Variants in PCDHA4 observed in about 807,000 individuals in gnomAD.
PCDHA4 encodes the protein protocadherin alpha-4.
Under a neutral mutation model 61.4 loss-of-function variants are expected in PCDHA4, and 49 were observed. The observed-to-expected ratio is 0.80, with a 90% CI of 0.63 to 1.01. The LOEUF is 1.01. Ranked by LOEUF, PCDHA4 falls within the 50% of genes least tolerant of loss-of-function variation. The pLI, the probability that PCDHA4 is intolerant of heterozygous loss-of-function variation, is 0.00. For synonymous variants in PCDHA4, 590 were observed against 550.3 expected, an observed-to-expected ratio of 1.07 and a Z score of -1.01; for missense variants, 1,254 against 1,235.8, an observed-to-expected ratio of 1.01 and a Z score of -0.22.
At chr5:141,008,568 T>C (rs1430525508) in intron 3 of PCDHA4, among the ~76,000 whole-genome samples, 2 of 152,220 alleles carry the variant, frequency 1.3e-5, no homozygotes, top group African/African-American at 4.8e-5. Flanking sequence ...GCATAATCAT[T>C]TTCCCAAGAC....
chr5:140,917,806 A>G (rs921651411), intron 1 of PCDHA4, among the ~76,000 whole-genome samples: 45 of 151,888 alleles, frequency 3.0e-4, no homozygotes, highest in Admixed American at 2.9e-3. Context: ...GCCTTGCAGT[A>G]TAGTTGAAGT....
intron 1 of PCDHA4, chr5:140,966,508 A>G (rs1288054154): frequency 9.2e-6 from 4 of 434,452 alleles, no homozygotes; most frequent in African/African-American, 4.1e-5. Context: ...TAGCGGCAGC[A>G]GCAGCAGGAA....
chr5:140,811,590 G>T (rs1482503407), intron 1 of PCDHA4: 1 of 152,170 alleles, frequency 6.6e-6, no homozygotes, highest in African/African-American at 2.4e-5. Flanking sequence ...CTTCCACAAT[G>T]GTTGAACTAG....
At chr5:140,922,336 A>G (rs1554200779) in intron 1 of PCDHA4, among the ~76,000 whole-genome samples, 2 of 152,226 alleles carry the variant, frequency 1.3e-5, no homozygotes, top group African/African-American at 4.8e-5. Context: ...GGGTTGGTAT[A>G]TTGGTATTTT....
At chr5:141,007,015 A>G (rs1342063703) in intron 3 of PCDHA4, among the ~76,000 whole-genome samples, 1 of 152,210 alleles carries the variant, frequency 6.6e-6, no homozygotes, top group Non-Finnish European at 1.5e-5. Flanking sequence ...TCATCAGCTT[A>G]TTCATATGGT....
At chr5:140,839,084 T>G (rs2150294627) in intron 1 of PCDHA4, among the ~76,000 whole-genome samples, 9 of 152,164 alleles carry the variant, frequency 5.9e-5, no homozygotes, top group South Asian at 2.1e-4. Context: ...AAAACCTGTC[T>G]GATAATCAAT....
At chr5:140,933,731 A>G (rs1210438420) in intron 1 of PCDHA4, among the ~76,000 whole-genome samples, 2 of 151,958 alleles carry the variant, frequency 1.3e-5, no homozygotes, top group East Asian at 1.9e-4. Context: ...CAGCTTTCTT[A>G]AATATTTGGT....
chr5:140,986,714 CATT>C (rs1426352732), intron 3 of PCDHA4, among the ~76,000 whole-genome samples: 4 of 152,118 alleles, frequency 2.6e-5, no homozygotes, highest in Non-Finnish European at 4.4e-5. Flanking sequence ...CAGAAGATAA[CATT>C]ATAGCTTCTC....
At chr5:140,869,733 G>A (rs2051364392) in intron 1 of PCDHA4, 1 of 1,613,178 alleles carries the variant, frequency 6.2e-7, no homozygotes, top group Non-Finnish European at 8.5e-7. Context: ...AACTTAATTT[G>A]CTGCTAACAG....
In PCDHA4 at chr5:140,808,372, C is replaced by G. The variant is rs781953754; in HGVS notation, c.1185C>G (p.Phe395Leu). The stretch of plus-strand genomic sequence containing the variant: ...GCTCCTTGACGTCCCACGTCCCCTT[C>G]AAGCTGGTGTCCACCTTCAAGAATT... Reference protein sequence around the residue: ...VTCSLTSHVPFKLVSTFKNYY... With the variant: ...VTCSLTSHVPLKLVSTFKNYY... The change falls in exon 1 of 4, where the codon TTC becomes TTG. Residue 395 changes from phenylalanine (F) to leucine (L), a missense_variant. Phe to Leu is a conservative substitution (Grantham distance 22). Coordinates refer to ENST00000530339, the MANE Select transcript of PCDHA4 (RefSeq NM_018907.4). 1.2e-6 allele frequency: 2 copies of G among 1,614,200 alleles called. No individual in the cohort carries two copies. The highest frequency in any genetic ancestry group is 3.3e-5 in the Admixed American group (2 of 60,036).
chr5:140,830,551 T>C, intron 1 of PCDHA4: 1 of 1,095,476 alleles, frequency 9.1e-7, no homozygotes, highest in African/African-American at 1.6e-5. Flanking sequence ...TCCTCATATT[T>C]GTCTTCTATA....
rs2150304405 is a variant in PCDHA4, at chr5:140,840,185, G to A, written c.2385+30613G>A. On this transcript the variant is annotated intron_variant, in intron 1 of 3. Transcript: ENST00000530339. The stretch of plus-strand genomic sequence containing the variant: ...GGGATGTATACAAATTTTAAATATG[G>A]TAGGCAAAGGAAAAGAAGTCATAAA... 1.2e-3 allele frequency among the ~76,000 whole-genome samples: 185 copies of A among 152,064 alleles called. 3 individuals carry two copies. The highest frequency in any genetic ancestry group is 4.4e-3 in the African/African-American group (182 of 41,478).
Position 140,808,769 on chromosome 5 carries a change from C to T in PCDHA4, c.1582C>T (p.Leu528=). 1 of 1,612,380 alleles carries T rather than the reference C, an allele frequency of 6.2e-7. No homozygotes were observed. The highest frequency in any genetic ancestry group is 8.5e-7 in the Non-Finnish European group (1 of 1,179,812). Residue 528 remains leucine, a synonymous_variant, in exon 1 of 4, where the codon CTA becomes TTA. Coordinates refer to ENST00000530339, the MANE Select transcript of PCDHA4 (RefSeq NM_018907.4). The part of the protein sequence containing the change: ...YALQPLDHEE[L]ELLQFQVTAR... ...GCTGCAGCCGCTGGACCACGAGGAG[C>T]TAGAGCTGCTGCAGTTTCAGGTGAC...
At chr5:140,874,064 A>T (rs554642692) in intron 1 of PCDHA4, among the ~76,000 whole-genome samples, 17 of 152,334 alleles carry the variant, frequency 1.1e-4, no homozygotes, top group Admixed American at 1.1e-3. Flanking sequence ...AATTTAAATA[A>T]TTAGCCTGAT....
chr5:140,884,610 G>A (rs1554181783), intron 1 of PCDHA4: 1 of 1,614,138 alleles, frequency 6.2e-7, no homozygotes, highest in South Asian at 1.1e-5. Context: ...CCTTGTCTGG[G>A]TTCTGCAGAG....
At chr5:140,816,654 C>T (rs1554127103) in intron 1 of PCDHA4, 1 of 152,082 alleles carries the variant, frequency 6.6e-6, no homozygotes, top group Non-Finnish European at 1.5e-5. Flanking sequence ...CTCTTCCAGT[C>T]TTTATGGACT....
At chr5:141,000,052 C>G (rs945182675) in intron 3 of PCDHA4, among the ~76,000 whole-genome samples, 2 of 152,100 alleles carry the variant, frequency 1.3e-5, no homozygotes, top group Admixed American at 1.3e-4. Flanking sequence ...CACCACTCTC[C>G]CAGCTGCTCT....
intron 1 of PCDHA4, chr5:140,881,964 A>G (rs1297923565): frequency 8.1e-6 from 3 of 368,944 alleles, no homozygotes; most frequent in East Asian, 9.0e-5. Context: ...TTAATCTTCA[A>G]TTACATATTT....
At chr5:140,841,887 A>G (rs2150324801) in intron 1 of PCDHA4, 3 of 1,613,824 alleles carry the variant, frequency 1.9e-6, no homozygotes, top group Non-Finnish European at 2.5e-6. Context: ...AACGATGAGA[A>G]TAAACTGGTT....
Sources: allele counts gnomAD v4.1 joint callset (sites outside exome capture counted in the v4.1 genomes callset), GRCh38; gene constraint gnomAD v4.1.1; transcripts MANE v1.5; gene names NCBI Gene and HGNC (gene_info 2026-07-23, HGNC 2026-07-21).